IQCH: variants seen among roughly 807,000 people sequenced by gnomAD.
IQCH encodes the protein IQ motif containing H.
A neutral mutation model predicts 117.0 loss-of-function variants in IQCH; 98 were observed. The ratio of observed to expected loss-of-function variants is 0.84; its 90% CI spans 0.71 to 0.99. IQCH has a LOEUF of 0.99. Ranked by LOEUF, IQCH falls within the 50% of genes least tolerant of loss-of-function variation. The probability of loss-of-function intolerance (pLI) is 0.00; values close to 1 mark genes in which losing one functional copy is unlikely to be tolerated. For synonymous variants in IQCH, 412 were observed against 448.2 expected, an observed-to-expected ratio of 0.92 and a Z score of 1.02; for missense variants, 1,102 against 1,243.8, an observed-to-expected ratio of 0.89 and a Z score of 1.72.
intron 4 of IQCH, among the ~76,000 whole-genome samples, chr15:67,292,346 G>A (rs534150626): frequency 2.0e-5 from 3 of 152,086 alleles, no homozygotes; most frequent in Non-Finnish European, 2.9e-5. Flanking sequence ...CAATCTCCTG[G>A]GCTCAAGCAG....
In IQCH at chr15:67,436,879, C is replaced by G. The variant is rs556180855; in HGVS notation, c.2505+15302C>G. 3.3e-5 allele frequency among the ~76,000 whole-genome samples: 5 copies of G among 152,134 alleles called. No individual in the cohort carries two copies. The highest frequency in any genetic ancestry group is 7.2e-5 in the African/African-American group (3 of 41,412). On this transcript the variant is annotated intron_variant, in intron 16 of 20. Transcript: ENST00000335894. The surrounding 1 kb of genome is among the most constrained non-coding windows in gnomAD (Gnocchi z 5.1). ...ACCTGGGAACCTCACCCTCATCCCC[C>G]ACAACAGCTGCAGCAAGATCTGCCC...
Position 67,384,294 on chromosome 15 carries a change from C to G in IQCH, c.1373-642C>G, listed in dbSNP as rs1187718086. On this transcript the variant is annotated intron_variant, in intron 10 of 20. Transcript: ENST00000335894. The surrounding 1 kb of genome is among the most constrained non-coding windows in gnomAD (Gnocchi z 4.3). ...GTTTCTTTTGTGAGAGATTTTTGGA[C>G]AATAGTAATTCATATGTGTTTTCCC... Among the ~76,000 whole-genome samples, 1 of 151,872 alleles carries G rather than the reference C, an allele frequency of 6.6e-6. No individual in the cohort carries two copies. Among genetic ancestry groups the G allele is most frequent in the Non-Finnish European group, 1.5e-5 (1 of 67,972 alleles).
At chr15:67,450,090 T>C (rs1456228143) in intron 16 of IQCH, among the ~76,000 whole-genome samples, 2 of 152,258 alleles carry the variant, frequency 1.3e-5, no homozygotes, top group African/African-American at 2.4e-5. Flanking sequence ...CCTGAGACTT[T>C]GCTGAAGTTG....
intron 3 of IQCH, among the ~76,000 whole-genome samples, chr15:67,272,743 T>G (rs1414433483): frequency 6.6e-6 from 1 of 152,240 alleles, no homozygotes; most frequent in Admixed American, 6.5e-5. Context: ...TAATTACTCC[T>G]CTTTTTGAGT....
rs557348428 is a variant in IQCH at position 67,336,817 on chromosome 15, A to G, written c.388-158A>G. Among the ~76,000 whole-genome samples the G allele has an allele frequency of 2.6e-5, 4 of 152,328 alleles. No individual in the cohort carries two copies. The South Asian group carries it at 8.3e-4, about 32-fold the overall frequency. ...CACAAACTCCTGATGGTAGTAGACA[A>G]TAGCACAGGGTATTCATGAGCAATA... On this transcript the variant is annotated intron_variant, in intron 4 of 20. Transcript: ENST00000335894.
Position 67,475,708 on chromosome 15 carries a change from A to G in IQCH, c.2689A>G (p.Ser897Gly). 6.2e-7 allele frequency: 1 copy of G among 1,613,972 alleles called. No homozygotes were observed. The highest frequency in any genetic ancestry group is 1.1e-5 in the South Asian group (1 of 91,044). ...TGCTCCTTTCCAGATGCTGGCAACCAGTCGCTATGCAGTGATGACCACCCA... is the reference window on the plus strand; with the variant it reads ...TGCTCCTTTCCAGATGCTGGCAACCGGTCGCTATGCAGTGATGACCACCCA... ...SALSMPMLAT[S>G]RYAVMTTQLR... The change falls in exon 18 of 21, where the codon AGT becomes GGT. Residue 897 changes from serine (S) to glycine (G), a missense_variant. Coordinates refer to ENST00000335894, the MANE Select transcript of IQCH (RefSeq NM_001031715.3). The surrounding 1 kb of genome is among the most constrained non-coding windows in gnomAD (Gnocchi z 5.7).
At chr15:67,262,594 GACATT>G (rs1342169107) in intron 2 of IQCH, among the ~76,000 whole-genome samples, 1 of 152,066 alleles carries the variant, frequency 6.6e-6, no homozygotes, top group East Asian at 1.9e-4. Flanking sequence ...GTAAAAAAAA[GACATT>G]ACTCAATGTC....
Position 67,478,513 on chromosome 15 carries a change from A to G in IQCH, c.2799+2695A>G, listed in dbSNP as rs114421734. ...TAAAATGAGAGAGAAGAAGAAATAT[A>G]GATTGGGGCAACAGATGATGAAACA... is the stretch of plus-strand genomic sequence containing the variant. On this transcript the variant is annotated intron_variant, in intron 18 of 20. Coordinates refer to ENST00000335894, the MANE Select transcript of IQCH (RefSeq NM_001031715.3). 5.6e-3 allele frequency among the ~76,000 whole-genome samples: 846 copies of G among 152,312 alleles called. 7 individuals carry two copies. The highest frequency in any genetic ancestry group is 0.02 in the African/African-American group (812 of 41,570).
intron 17 of IQCH, among the ~76,000 whole-genome samples, chr15:67,471,394 C>T (rs2083068192): frequency 6.6e-6 from 1 of 152,108 alleles, no homozygotes; most frequent in South Asian, 2.1e-4. Context: ...ATAATGTTTT[C>T]TATTTGTATA....
At chr15:67,468,468 C>G (rs1232589187) in intron 17 of IQCH, among the ~76,000 whole-genome samples, 1 of 152,224 alleles carries the variant, frequency 6.6e-6, no homozygotes, top group Non-Finnish European at 1.5e-5. Context: ...TTTGAAGGCA[C>G]ACATTTCCCT....
rs1211702081 is a variant in IQCH at position 67,434,979 on chromosome 15, G to T, written c.2505+13402G>T. Among the ~76,000 whole-genome samples, 4 of 107,970 alleles carry T rather than the reference G, an allele frequency of 3.7e-5. No individual in the cohort carries two copies. The East Asian group carries it at 7.7e-4, about 21-fold the overall frequency. 70.8% of individuals were successfully genotyped at this position (107,970 alleles called of 152,430 possible). On this transcript the variant is annotated intron_variant, in intron 16 of 20. Transcript: ENST00000335894. ...TAATTTTTTTGTATTTTTGTATTTTGTATCTTTGTTTTTTTTTTAATTTTT... is the reference window on the plus strand; with the variant it reads ...TAATTTTTTTGTATTTTTGTATTTTTTATCTTTGTTTTTTTTTTAATTTTT...
At chr15:67,280,338 T>C (rs1966300984) in intron 4 of IQCH, among the ~76,000 whole-genome samples, 1 of 147,944 alleles carries the variant, frequency 6.8e-6, no homozygotes, top group African/African-American at 2.5e-5. Flanking sequence ...AATTCTGTTT[T>C]GTCCCTGTCT....
At chr15:67,324,090 C>G (rs1406145941) in intron 4 of IQCH, among the ~76,000 whole-genome samples, 1 of 151,280 alleles carries the variant, frequency 6.6e-6, no homozygotes, top group Admixed American at 6.6e-5. Flanking sequence ...ATTACAGGTA[C>G]CCACCACCAG....
rs749691167 is a variant in IQCH at position 67,427,422 on chromosome 15, C to T, written c.2505+5845C>T. Among the ~76,000 whole-genome samples, 24 of 151,996 alleles carry T rather than the reference C, an allele frequency of 1.6e-4. No individual in the cohort carries two copies. Among genetic ancestry groups the T allele is most frequent in the Non-Finnish European group, 3.2e-4 (22 of 67,994 alleles). ...GTAGAGATAGGGTCTCACTATGTTG[C>T]CCAGGCTGGTTTTGAACTCCTGGCC... On this transcript the variant is annotated intron_variant, in intron 16 of 20. Transcript: ENST00000335894. The surrounding 1 kb of genome is among the most constrained non-coding windows in gnomAD (Gnocchi z 4.7).
chr15:67,409,611 A>G lies in IQCH; in HGVS notation c.2098-7320A>G, dbSNP rs180874905. 4.1e-3 allele frequency among the ~76,000 whole-genome samples: 630 copies of G among 152,362 alleles called. 3 individuals are homozygous for G. Among genetic ancestry groups the G allele is most frequent in the Non-Finnish European group, 6.7e-3 (458 of 68,036 alleles). On this transcript the variant is annotated intron_variant, in intron 14 of 20. Transcript: ENST00000335894. ...AGAAGCAGCGAGTGGATAATGCTAC[A>G]TAAGTATGGAATTATATACCGCATT...
intron 4 of IQCH, chr15:67,304,302 C>A: frequency 1.9e-6 from 2 of 1,069,988 alleles, no homozygotes; most frequent in Non-Finnish European, 2.7e-6. Context: ...CATTTTTGTT[C>A]ATCCAGCATG....
At chr15:67,441,319 A>T (rs576156209) in intron 16 of IQCH, among the ~76,000 whole-genome samples, 12 of 152,248 alleles carry the variant, frequency 7.9e-5, no homozygotes, top group African/African-American at 2.9e-4. Flanking sequence ...GCCAAAAGCA[A>T]TCTACAAATT....
At position 67,395,866 on chromosome 15, in the gene IQCH, C is replaced by A. The variant is rs529673064; in HGVS notation, c.1905+303C>A. 6.6e-6 allele frequency among the ~76,000 whole-genome samples: 1 copy of A among 152,008 alleles called. No individual in the cohort carries two copies. The highest frequency in any genetic ancestry group is 1.5e-5 in the Non-Finnish European group (1 of 68,004). Reference sequence around the variant, plus strand: ...TGTATTTTTAGTAGAGATGGGGTTTCACCATGTTGGCCAGGCTGGTCTCGA... The same window carrying A: ...TGTATTTTTAGTAGAGATGGGGTTTAACCATGTTGGCCAGGCTGGTCTCGA... On this transcript the variant is annotated intron_variant, in intron 13 of 20. Transcript: ENST00000335894. The surrounding 1 kb of genome is among the most constrained non-coding windows in gnomAD (Gnocchi z 4.0).
chr15:67,315,117 G>A (rs1967784367), intron 4 of IQCH, among the ~76,000 whole-genome samples: 2 of 152,132 alleles, frequency 1.3e-5, no homozygotes, highest in South Asian at 4.1e-4. Context: ...AGAGACTGAT[G>A]TACAAACTGA....
Sources: allele counts gnomAD v4.1 joint callset (sites outside exome capture counted in the v4.1 genomes callset), GRCh38; gene constraint gnomAD v4.1.1; non-coding constraint Gnocchi (gnomAD v3.1); transcripts MANE v1.5; gene names NCBI Gene and HGNC (gene_info 2026-07-23, HGNC 2026-07-21).